GLP2R: variants seen among roughly 807,000 people sequenced by gnomAD.
The protein encoded by GLP2R is glucagon like peptide 2 receptor, also known as glucagon-like peptide 2 receptor.
GLP2R carries 59 observed loss-of-function variants against 68.2 expected under a neutral mutation model. The ratio of observed to expected loss-of-function variants is 0.87; its 90% CI spans 0.70 to 1.07. The LOEUF is 1.07. GLP2R is among the 50% of genes least tolerant of loss of function. The probability of loss-of-function intolerance (pLI) is 0.00; values close to 1 mark genes in which losing one functional copy is unlikely to be tolerated. For missense variants in GLP2R, 548 were observed against 677.4 expected (o/e 0.81, Z 2.12); for synonymous variants, 270 against 265.4 (o/e 1.02, Z -0.17).
At chr17:9,882,991 C>CAA (rs3073990) in intron 11 of GLP2R, among the ~76,000 whole-genome samples, 26,832 of 125,648 alleles carry the variant, frequency 0.21, 3,271 homozygotes, top group Non-Finnish European at 0.33. Context: ...ATACTCAGGA[C>CAA]AAAAAAAAAA....
intron 10 of GLP2R, among the ~76,000 whole-genome samples, chr17:9,879,674 C>T (rs544830784): frequency 1.3e-5 from 2 of 152,328 alleles, no homozygotes; most frequent in African/African-American, 2.4e-5. Context: ...GCACTTTACA[C>T]GTGGGTGGCA....
intron 6 of GLP2R, among the ~76,000 whole-genome samples, chr17:9,857,801 T>C (rs892672361): frequency 6.6e-6 from 1 of 152,190 alleles, no homozygotes; most frequent in African/African-American, 2.4e-5. Flanking sequence ...CTGCTGTATG[T>C]CCTTGGGTGG....
At chr17:9,888,170 G>A (rs975115690) in intron 12 of GLP2R, among the ~76,000 whole-genome samples, 197 bp downstream of exon 12, 2 of 152,186 alleles carry the variant, frequency 1.3e-5, no homozygotes, top group African/African-American at 4.8e-5. Flanking sequence ...AAGGTGTCGG[G>A]ATGGGTATAA....
intron 10 of GLP2R, among the ~76,000 whole-genome samples, chr17:9,880,080 C>G (rs753590849): frequency 2.0e-5 from 3 of 152,212 alleles, no homozygotes; most frequent in African/African-American, 7.2e-5. Context: ...GCATGGAAAT[C>G]TATCCATCAG....
chr17:9,889,729 C>G lies in GLP2R; in HGVS notation c.*24C>G. On this transcript the variant is annotated 3_prime_UTR_variant, in exon 13 of 13. Coordinates refer to ENST00000262441, the MANE Select transcript of GLP2R (RefSeq NM_004246.3). ...AGGGTGGAGTTCCACCACCCTGGCT[C>G]TGCTCCCAGGGACTCTTGAGGGGGC... 6.9e-7 allele frequency: 1 copy of G among 1,442,252 alleles called. No individual in the cohort carries two copies. The highest frequency in any genetic ancestry group is 9.4e-7 in the Non-Finnish European group (1 of 1,065,986). 89.3% of individuals were successfully genotyped at this position (1,442,252 alleles called of 1,614,324 possible).
chr17:9,870,871 G>T (rs2067086454), intron 10 of GLP2R, 36 bp downstream of exon 10: 2 of 918,714 alleles, frequency 2.2e-6, no homozygotes, highest in East Asian at 2.4e-5. Context: ...GCAGTCCAAG[G>T]TTATTGTAAG....
intron 1 of GLP2R, among the ~76,000 whole-genome samples, chr17:9,828,981 T>C (rs779701604): frequency 1.3e-5 from 2 of 152,194 alleles, no homozygotes; most frequent in Non-Finnish European, 2.9e-5. Flanking sequence ...CCCATATTCC[T>C]TTTCTAGATG....
At chr17:9,830,162 C>T (rs748951158) in intron 1 of GLP2R, among the ~76,000 whole-genome samples, 33 of 152,178 alleles carry the variant, frequency 2.2e-4, no homozygotes, top group Non-Finnish European at 2.6e-4. Context: ...AAATTCAGTA[C>T]TTTTTAGTTT....
chr17:9,848,867 T>TTGTGTGTGTGTGTGTGTGTG (rs144324194), intron 4 of GLP2R, among the ~76,000 whole-genome samples: 3 of 139,326 alleles, frequency 2.2e-5, no homozygotes, highest in African/African-American at 5.2e-5. Context: ...TTAAAGGAGA[T>TTGTGTGTGTGTGTGTGTGTG]TGTGTGTGTG....
At chr17:9,884,129 T>G (rs956847612) in intron 11 of GLP2R, among the ~76,000 whole-genome samples, 5 of 152,198 alleles carry the variant, frequency 3.3e-5, no homozygotes, top group South Asian at 2.1e-4. Flanking sequence ...GAGAACATTT[T>G]TATATTTTAC....
At chr17:9,846,652 G>A (rs2066841848) in intron 4 of GLP2R, among the ~76,000 whole-genome samples, 1 of 152,092 alleles carries the variant, frequency 6.6e-6, no homozygotes. Flanking sequence ...ACAGTTTAAT[G>A]TTAGAATCTA....
intron 2 of GLP2R, 131 bp downstream of exon 2, chr17:9,834,025 G>A: frequency 1.4e-6 from 1 of 721,312 alleles, no homozygotes; most frequent in Non-Finnish European, 2.5e-6. Context: ...GGGCACACTG[G>A]GGATGGCTTG....
Position 9,877,894 on chromosome 17 carries a change from A to C in GLP2R, c.1146-2484A>C, listed in dbSNP as rs1030312143. Among the ~76,000 whole-genome samples, 13 of 149,098 alleles carry C rather than the reference A, an allele frequency of 8.7e-5. No homozygotes were observed. In the East Asian group the frequency reaches 2.5e-3, roughly 29 times the overall value. ...TCCGTCTCAAAAAAAAAAAAAAAAA[A>C]ACGTTAGGGAAAACTGAGTGAAGAG... On this transcript the variant is annotated intron_variant, in intron 10 of 12. Coordinates refer to ENST00000262441, the MANE Select transcript of GLP2R (RefSeq NM_004246.3).
chr17:9,826,883 G>T (rs952454998), intron 1 of GLP2R, among the ~76,000 whole-genome samples: 1 of 152,044 alleles, frequency 6.6e-6, no homozygotes, highest in African/African-American at 2.4e-5. Context: ...TTGTTTGTTT[G>T]TTTTTTGAGA....
chr17:9,847,220 G>A (rs550318050), intron 4 of GLP2R, among the ~76,000 whole-genome samples: 6 of 152,156 alleles, frequency 3.9e-5, no homozygotes, highest in African/African-American at 1.4e-4. Flanking sequence ...AGTATTTATT[G>A]CTTTTATTCT....
intron 9 of GLP2R, among the ~76,000 whole-genome samples, chr17:9,867,943 C>A (rs922118407): frequency 3.9e-5 from 6 of 152,170 alleles, no homozygotes; most frequent in Admixed American, 3.9e-4. Flanking sequence ...TTCAGGCTTC[C>A]CAAGACATTT....
chr17:9,858,715 T>C (rs2066956285), intron 6 of GLP2R, among the ~76,000 whole-genome samples: 1 of 152,234 alleles, frequency 6.6e-6, no homozygotes, highest in African/African-American at 2.4e-5. Flanking sequence ...TTCTAGGAAT[T>C]CATCTATTTC....
At chr17:9,826,616 T>A (rs1160077791) in intron 1 of GLP2R, among the ~76,000 whole-genome samples, 1 of 152,232 alleles carries the variant, frequency 6.6e-6, no homozygotes, top group Non-Finnish European at 1.5e-5. Context: ...TCTTCAGTAT[T>A]CTCCCAGCTT....
chr17:9,861,984 T>C (rs1458442328), intron 8 of GLP2R, 37 bp from the exon 9 acceptor site: 1 of 1,450,950 alleles, frequency 6.9e-7, no homozygotes, highest in African/African-American at 1.4e-5. Context: ...CTCTTGTTTT[T>C]AAGTCTTCTA....
Sources: gnomAD v4.1 joint callset for allele counts (sites outside exome capture counted in the v4.1 genomes callset) on GRCh38, gnomAD v4.1.1 for gene constraint, MANE v1.5 for transcripts, NCBI Gene and HGNC (gene_info 2026-07-23, HGNC 2026-07-21) for gene names.